C3: variants seen among roughly 807,000 people sequenced by gnomAD.
C3 encodes the protein C3 and PZP-like alpha-2-macroglobulin domain-containing protein 1.
In C3, 97 loss-of-function variants were observed where a neutral mutation model predicts 207.9. The observed-to-expected ratio is 0.47, with a 90% CI of 0.40 to 0.55. The LOEUF (loss-of-function observed/expected upper bound fraction) is 0.55. C3 is among the 20% of genes least tolerant of loss of function. The pLI is 0.00. For missense variants in C3, 1,684 were observed against 2,171.7 expected, an observed-to-expected ratio of 0.78 and a Z score of 4.46; for synonymous variants, 848 against 857.6, an observed-to-expected ratio of 0.99 and a Z score of 0.20.
At chr19:6,687,957 A>C (rs1325217456) in intron 27 of C3, among the ~76,000 whole-genome samples, 5 of 151,186 alleles carry the variant, frequency 3.3e-5, no homozygotes, top group African/African-American at 1.2e-4. Flanking sequence ...CTCGGGTTCA[A>C]GTGATTCTCC....
At position 6,701,570 on chromosome 19, in the gene C3, G is replaced by T. The variant is rs548721864; in HGVS notation, c.2440+557C>A. Among the ~76,000 whole-genome samples, 75 of 152,214 alleles carry T rather than the reference G, an allele frequency of 4.9e-4. 2 individuals are homozygous for T. The South Asian group carries it at 0.011, about 22-fold the overall frequency. ...AGTTTTGCTCTTGTTGCCCAGGCTG[G>T]AGTGCAGTGGCACAATCTCAGCTCA... On this transcript the variant is annotated intron_variant, in intron 19 of 40. Coordinates refer to ENST00000245907, the MANE Select transcript of C3 (RefSeq NM_000064.4).
intron 14 of C3, among the ~76,000 whole-genome samples, chr19:6,708,154 C>A (rs924618054): frequency 1.3e-5 from 2 of 149,184 alleles, no homozygotes; most frequent in African/African-American, 5.0e-5. Flanking sequence ...TTCTTTCTTT[C>A]GAGATGGAGT....
In C3 at chr19:6,719,708, A is replaced by G. The variant is rs978551259; in HGVS notation, c.75-305T>C. Among the ~76,000 whole-genome samples, 1 of 151,748 alleles carries G rather than the reference A, an allele frequency of 6.6e-6. No individual in the cohort carries two copies. ...CTGAACCTTCCAACCAGCGTCAGCA[A>G]CTCCTCCAAGTCTCTGGACTTCCAG... On this transcript the variant is annotated intron_variant, in intron 1 of 40. Coordinates refer to ENST00000245907, the MANE Select transcript of C3 (RefSeq NM_000064.4). The surrounding 1 kb of genome is among the most constrained non-coding windows in gnomAD (Gnocchi z 5.4).
At chr19:6,714,905 A>G (rs532529196) in intron 4 of C3, among the ~76,000 whole-genome samples, 1 of 152,120 alleles carries the variant, frequency 6.6e-6, no homozygotes, top group East Asian at 1.9e-4. Context: ...TTAGGTTTCA[A>G]TCTCTACTGT....
rs186018934 is a variant in C3, at chr19:6,719,097, C to G, written c.267+114G>C. 3.2e-6 allele frequency: 3 copies of G among 934,938 alleles called. No individual in the cohort carries two copies. The African/African-American group carries it at 5.5e-5, about 17-fold the overall frequency. 57.9% of individuals were successfully genotyped at this position (934,938 alleles called of 1,614,324 possible). ...AGGCGACTCCGAAGGGGTGGAGTCT[C>G]AGGGAAGGGCAGGGCTTAGAAAGGG... On this transcript the variant is annotated intron_variant, in intron 2 of 40. Transcript: ENST00000245907. This position sits in a 1 kb window ranked among gnomAD's most constrained non-coding sequence, Gnocchi z 5.4.
At position 6,707,514 on chromosome 19, in the gene C3, C is replaced by T. The variant is rs199535288; in HGVS notation, c.1999G>A (p.Ala667Thr). 23 of 1,613,972 alleles carry T rather than the reference C, an allele frequency of 1.4e-5. No homozygotes were observed. Among genetic ancestry groups the T allele is most frequent in the Middle Eastern group, 1.7e-4 (1 of 6,058 alleles). The stretch of plus-strand genomic sequence containing the variant: ...AGCTGCACGGAACGGCGTCGGCGGG[C>T]GGCTGGCTGCGGGCACTGAAGTTCT... ...RAELQCPQPA[A>T]RRRRSVQLTE... is the part of the protein sequence containing the mutation. The change falls in exon 16 of 41, where the codon GCC becomes ACC. Residue 667 changes from alanine to threonine, a missense_variant. By Grantham distance (58) the Ala-to-Thr change is moderately conservative. This residue lies in a region of C3 where 1,280 missense variants were observed against 1,739.1 expected (regional missense o/e 0.74). Transcript: ENST00000245907.
rs774155819 is a variant in C3, at chr19:6,707,851, C to A, written c.1924G>T (p.Ala642Ser). ...CTGCTGCTCGTGAAGGTCAGCCCTG[C>A]GTCGGAGAAGACACCGGCGTAATCC... Reference protein sequence around the residue: ...GKDYAGVFSDAGLTFTSSSGQ... With the variant: ...GKDYAGVFSDSGLTFTSSSGQ... The change falls in exon 15 of 41, where the codon GCA (alanine) becomes TCA (serine). Residue 642 changes from alanine to serine, a missense_variant. By Grantham distance (99) the Ala-to-Ser change is moderately conservative. Coordinates refer to ENST00000245907, the MANE Select transcript of C3 (RefSeq NM_000064.4). 4.3e-6 allele frequency: 7 copies of A among 1,613,942 alleles called. No individual in the cohort carries two copies. The highest frequency in any genetic ancestry group is 4.5e-5 in the East Asian group (2 of 44,876).
rs747924102 is a variant in C3 at position 6,700,553 on chromosome 19, A to C, written c.2440+1574T>G. 1.6e-4 allele frequency among the ~76,000 whole-genome samples: 3 copies of C among 19,320 alleles called. 1 individual carries two copies. The East Asian group carries it at 0.011, about 69-fold the overall frequency. 12.7% of individuals were successfully genotyped at this position (19,320 alleles called of 152,430 possible). A position where few individuals can be genotyped will look rare whatever the true frequency, so the allele number is the denominator to read the frequency against. ...ATGATATATTATATATGTAATATAT[A>C]ATATATGTAATATATGATATATTAT... is the stretch of plus-strand genomic sequence containing the variant. On this transcript the variant is annotated intron_variant, in intron 19 of 40. Transcript: ENST00000245907.
chr19:6,713,870 A>AC (rs1236039103), intron 7 of C3, 122 bp downstream of exon 7: 1 of 88,636 alleles, frequency 1.1e-5, no homozygotes, highest in East Asian at 2.5e-4. Flanking sequence ...ACCTGACTCC[A>AC]CCCCCAGCCC....
Position 6,719,543 on chromosome 19 carries a change from A to G in C3, c.75-140T>C, listed in dbSNP as rs1968121020. The G allele has an allele frequency of 1.4e-6, 1 of 724,432 alleles. No individual in the cohort carries two copies. Among genetic ancestry groups the G allele is most frequent in the Non-Finnish European group, 2.4e-6 (1 of 423,646 alleles). The allele number at this position is 724,432 out of a possible 1,614,324, so 44.9% of individuals were successfully genotyped here. ...TCCAGTGACTGCCGGCGCACTTGCC[A>G]ATGCCATTATCTTCTCTGGGCACTG... On this transcript the variant is annotated intron_variant, in intron 1 of 40. Transcript: ENST00000245907. The surrounding 1 kb of genome is among the most constrained non-coding windows in gnomAD (Gnocchi z 5.4).
rs1248306016 is a variant in C3 at position 6,684,431 on chromosome 19, G to T, written c.4129C>A (p.Pro1377Thr). ...ATCATAGTGTTCTTGGCATCCTGAG[G>T]CCTCTTTTCTAGAAACACAGAAGAG... ...IKPAPETEKRPQDAKNTMILE... is the reference protein window; with the variant it reads ...IKPAPETEKRTQDAKNTMILE... The change falls in exon 33 of 41, where the codon CCT (proline) becomes ACT (threonine). Residue 1377 changes from proline (P) to threonine (T), a missense_variant. This residue lies in a region of C3 where 346 missense variants were observed against 380.1 expected (regional missense o/e 0.91). Transcript: ENST00000245907. 1.2e-6 allele frequency: 2 copies of T among 1,613,574 alleles called. No individual in the cohort carries two copies. Among genetic ancestry groups the T allele is most frequent in the Non-Finnish European group, 1.7e-6 (2 of 1,179,470 alleles).
rs747702099 is a variant in C3 at position 6,709,721 on chromosome 19, A to C, written c.1808T>G (p.Phe603Cys). Residue 603 changes from phenylalanine (F) to cysteine (C), a missense_variant, in exon 14 of 41, where the codon TTC (phenylalanine) becomes TGC (cysteine). Physicochemically the swap from Phe to Cys is radical, Grantham distance 205 (BLOSUM62 -2). This residue lies in a region of C3 where 1,280 missense variants were observed against 1,739.1 expected (regional missense o/e 0.74). Coordinates refer to ENST00000245907, the MANE Select transcript of C3 (RefSeq NM_000064.4). ...CAGTTTGTTCTTCTTATTCAGCACG[A>C]ACACGCCCTTGTCCACGGCCACCAG... ...VVLVAVDKGV[F>C]VLNKKNKLTQ... is the part of the protein sequence containing the mutation. The C allele has an allele frequency of 1.2e-6, 2 of 1,613,624 alleles. No individual in the cohort carries two copies. Among genetic ancestry groups the C allele is most frequent in the Non-Finnish European group, 1.7e-6 (2 of 1,179,944 alleles).
intron 27 of C3, among the ~76,000 whole-genome samples, chr19:6,689,356 C>CCCCT (rs1918108141): frequency 2.1e-5 from 1 of 47,176 alleles, no homozygotes; most frequent in Non-Finnish European, 3.9e-5. Context: ...TCCCTCCCTC[C>CCCCT]CTCCCTCTCT....
intron 17 of C3, among the ~76,000 whole-genome samples, chr19:6,704,629 G>C (rs1423410595): frequency 6.6e-6 from 1 of 151,868 alleles, no homozygotes; most frequent in African/African-American, 2.4e-5. Flanking sequence ...TGTGGTGGCA[G>C]GTGCCTGTAA....
chr19:6,689,472 T>G (rs541422982), intron 27 of C3, among the ~76,000 whole-genome samples: 1 of 151,644 alleles, frequency 6.6e-6, no homozygotes, highest in East Asian at 1.9e-4. Context: ...TCTCTTTTCC[T>G]AAGGGGGGAG....
At chr19:6,702,360 T>C (rs1033377945) in intron 18 of C3, 111 bp downstream of exon 18, 10 of 980,088 alleles carry the variant, frequency 1.0e-5, no homozygotes, top group African/African-American at 3.2e-5. Flanking sequence ...TTTTTCTAGG[T>C]TGGGCTGTGG....
At chr19:6,688,818 G>A (rs1217762043) in intron 27 of C3, among the ~76,000 whole-genome samples, 3 of 151,876 alleles carry the variant, frequency 2.0e-5, no homozygotes, top group African/African-American at 4.8e-5. Flanking sequence ...TTCCATTCAC[G>A]TGGCCACAGT....
In C3 at chr19:6,680,169, T is replaced by C; in HGVS notation, c.4445A>G (p.Tyr1482Cys). ...GGTTGGCTGCTCACCCAGGTTGTAA[T>C]AGGCGTAGACCTTGACTGCTCCAGG... The part of the protein sequence containing the change: ...IQPGAVKVYA[Y>C]YNLEESCTRF... Residue 1482 changes from tyrosine to cysteine, a missense_variant, in exon 36 of 41, where the codon TAT becomes TGT. This residue lies in a region of C3 where 346 missense variants were observed against 380.1 expected (regional missense o/e 0.91). Transcript: ENST00000245907. 6.2e-7 allele frequency: 1 copy of C among 1,608,022 alleles called. No homozygotes were observed. The highest frequency in any genetic ancestry group is 8.5e-7 in the Non-Finnish European group (1 of 1,174,480).
At chr19:6,700,149 T>C (rs1967612700) in intron 19 of C3, among the ~76,000 whole-genome samples, 1 of 143,236 alleles carries the variant, frequency 7.0e-6, no homozygotes, top group African/African-American at 2.5e-5. Context: ...TATAATTAAA[T>C]TTCTTATAAA....
Sources: allele counts gnomAD v4.1 joint callset (sites outside exome capture counted in the v4.1 genomes callset), GRCh38; gene constraint gnomAD v4.1.1; regional missense constraint gnomAD v4.1.1; non-coding constraint Gnocchi (gnomAD v3.1); transcripts MANE v1.5; gene names NCBI Gene and HGNC (gene_info 2026-07-23, HGNC 2026-07-21).